The following ANO10 variants were observed in gnomAD, a reference collection of about 807,000 sequenced individuals.
ANO10 encodes anoctamin 10, also known as anoctamin-10.
In ANO10, 77 loss-of-function variants were observed where a neutral mutation model predicts 74.7. The ratio of observed to expected loss-of-function variants is 1.03; its 90% CI spans 0.86 to 1.25. The LOEUF is 1.25. Among genes scored for constraint, ANO10 ranks in the 50% most tolerant of loss-of-function variants. The pLI is 0.00. For missense variants in ANO10, 721 were observed against 778.1 expected (o/e 0.93, Z 0.87); for synonymous variants, 279 against 284.9 (o/e 0.98, Z 0.21).
intron 1 of ANO10, among the ~76,000 whole-genome samples, chr3:43,682,794 A>G (rs868726731): frequency 1.3e-5 from 2 of 152,192 alleles, no homozygotes; most frequent in African/African-American, 2.4e-5. Context: ...ATCAATAAAC[A>G]TAATCCAGCA....
At chr3:43,380,848 C>T (rs999955957) in intron 12 of ANO10, among the ~76,000 whole-genome samples, 35 of 152,304 alleles carry the variant, frequency 2.3e-4, no homozygotes, top group African/African-American at 8.2e-4. Flanking sequence ...CATCTCAATA[C>T]TAACTGTATT....
chr3:43,666,810 G>A (rs1353492654), intron 1 of ANO10, among the ~76,000 whole-genome samples: 1 of 152,058 alleles, frequency 6.6e-6, no homozygotes, highest in Admixed American at 6.6e-5. Context: ...TCCTCACATG[G>A]AGAAAAGCCT....
At chr3:43,473,820 T>C (rs2075960260) in intron 11 of ANO10, among the ~76,000 whole-genome samples, 1 of 152,054 alleles carries the variant, frequency 6.6e-6, no homozygotes, top group Non-Finnish European at 1.5e-5. Context: ...AAATGGCAAT[T>C]ATTGGGTGGG....
intron 11 of ANO10, among the ~76,000 whole-genome samples, chr3:43,538,697 G>C (rs1453859946): frequency 6.6e-6 from 1 of 152,140 alleles, no homozygotes. Flanking sequence ...ACTTGAGGGT[G>C]GTTGGACCAG....
At chr3:43,487,933 A>G (rs538058582) in intron 11 of ANO10, among the ~76,000 whole-genome samples, 194 of 152,078 alleles carry the variant, frequency 1.3e-3, no homozygotes, top group African/African-American at 4.5e-3. Context: ...ACAAGGCTAC[A>G]GTAACCAAAA....
intron 11 of ANO10, among the ~76,000 whole-genome samples, chr3:43,441,465 GA>G (rs2093159018): frequency 6.6e-6 from 1 of 151,512 alleles, no homozygotes; most frequent in Admixed American, 6.6e-5. Context: ...GAATCATGAA[GA>G]AAAAAAATCT....
chr3:43,657,439 C>T (rs2083870509), intron 1 of ANO10, among the ~76,000 whole-genome samples: 1 of 152,212 alleles, frequency 6.6e-6, no homozygotes, highest in Non-Finnish European at 1.5e-5. Flanking sequence ...ACTTCCCTTT[C>T]CTATAGGCCC....
intron 11 of ANO10, among the ~76,000 whole-genome samples, chr3:43,448,259 T>C (rs567822791): frequency 6.6e-6 from 1 of 152,226 alleles, no homozygotes; most frequent in Non-Finnish European, 1.5e-5. Flanking sequence ...TCATGTCATG[T>C]ATCCACCATT....
intron 12 of ANO10, among the ~76,000 whole-genome samples, chr3:43,380,134 A>C: frequency 6.6e-6 from 1 of 152,186 alleles, no homozygotes; most frequent in Non-Finnish European, 1.5e-5. Flanking sequence ...CCATCTGACA[A>C]AGAAAAAGAA....
intron 12 of ANO10, among the ~76,000 whole-genome samples, chr3:43,367,470 A>C (rs2091452765): frequency 6.6e-6 from 1 of 152,136 alleles, no homozygotes; most frequent in Non-Finnish European, 1.5e-5. Flanking sequence ...AGATGCCCCA[A>C]ATCATCAGAT....
chr3:43,582,573 A>G (rs1033034075), intron 4 of ANO10, among the ~76,000 whole-genome samples: 2 of 152,368 alleles, frequency 1.3e-5, no homozygotes, highest in Non-Finnish European at 2.9e-5. Context: ...CTTAGACATG[A>G]AAAAGAAAAA....
chr3:43,441,656 T>G (rs1319030415), intron 11 of ANO10, among the ~76,000 whole-genome samples: 1 of 152,150 alleles, frequency 6.6e-6, no homozygotes, highest in African/African-American at 2.4e-5. Flanking sequence ...CAGACTCATC[T>G]TATGAGGTCA....
At chr3:43,367,343 G>A (rs140609928) in intron 12 of ANO10, among the ~76,000 whole-genome samples, 37 of 152,310 alleles carry the variant, frequency 2.4e-4, no homozygotes, top group African/African-American at 8.7e-4. Flanking sequence ...TGCTTTGAGC[G>A]ACCCTGGCAG....
chr3:43,665,452 C>T (rs1575585427), intron 1 of ANO10, among the ~76,000 whole-genome samples: 1 of 152,034 alleles, frequency 6.6e-6, no homozygotes, highest in Non-Finnish European at 1.5e-5. Flanking sequence ...CAGCAAACCA[C>T]CATGGCACGT....
At chr3:43,630,429 C>G (rs953067830) in intron 1 of ANO10, among the ~76,000 whole-genome samples, 5 of 151,818 alleles carry the variant, frequency 3.3e-5, no homozygotes, top group Admixed American at 3.3e-4. Flanking sequence ...AATATAAACA[C>G]CAATAAAGCC....
intron 12 of ANO10, among the ~76,000 whole-genome samples, chr3:43,415,629 C>T (rs1231898837): frequency 6.6e-6 from 1 of 151,940 alleles, no homozygotes; most frequent in East Asian, 1.9e-4. Context: ...GCAACCTCCA[C>T]CTCCTGGGTT....
At chr3:43,411,984 G>C (rs2092672298) in intron 12 of ANO10, among the ~76,000 whole-genome samples, 1 of 148,460 alleles carries the variant, frequency 6.7e-6, no homozygotes. Flanking sequence ...TATCACAAAG[G>C]AGAAGTTAAA....
chr3:43,396,529 G>C lies in ANO10; in HGVS notation c.1915-29555C>G, dbSNP rs568160133. On this transcript the variant is annotated intron_variant, in intron 12 of 12. Transcript: ENST00000292246. The stretch of plus-strand genomic sequence containing the variant: ...AATTTTTTGTATTTTTAGTAGAGAC[G>C]GGGTTTCACCATGTTAGCCAGATGG... Among the ~76,000 whole-genome samples, 26 of 151,516 alleles carry C rather than the reference G, an allele frequency of 1.7e-4. No individual in the cohort carries two copies. The East Asian group carries it at 4.9e-3, about 28-fold the overall frequency.
At chr3:43,367,402 T>C (rs1382729143) in intron 12 of ANO10, among the ~76,000 whole-genome samples, 3 of 152,172 alleles carry the variant, frequency 2.0e-5, no homozygotes, top group African/African-American at 7.2e-5. Context: ...AGAGCAATAG[T>C]GCCTATTTTG....
Sources: gnomAD v4.1 joint callset for allele counts (sites outside exome capture counted in the v4.1 genomes callset) on GRCh38, gnomAD v4.1.1 for gene constraint, MANE v1.5 for transcripts, NCBI Gene and HGNC (gene_info 2026-07-23, HGNC 2026-07-21) for gene names.